Variants in UNC13C observed in about 807,000 individuals in gnomAD.
UNC13C encodes protein unc-13 homolog C.
A neutral mutation model predicts 245.4 loss-of-function variants in UNC13C; 174 were observed. The ratio of observed to expected loss-of-function variants is 0.71; its 90% CI spans 0.63 to 0.80. The LOEUF (loss-of-function observed/expected upper bound fraction) is 0.80. UNC13C is among the 30% of genes least tolerant of loss of function. The pLI is 0.00. For synonymous variants in UNC13C, 992 were observed against 895.1 expected (o/e 1.11, Z -1.93); for missense variants, 2,829 against 2,602.9 (o/e 1.09, Z -1.89).
At chr15:53,837,804 T>G in the UNC13C span, among the ~76,000 whole-genome samples, 6 of 152,206 alleles carry the variant, frequency 3.9e-5, no homozygotes, top group East Asian at 1.2e-3. Context: ...ATTTATTGAA[T>G]AGTCCATCTT....
chr15:54,313,259 C>T (rs1250378401), intron 13 of UNC13C, among the ~76,000 whole-genome samples: 1 of 151,802 alleles, frequency 6.6e-6, no homozygotes, highest in Non-Finnish European at 1.5e-5. Context: ...GCCACATTTT[C>T]ACAACATAAT....
chr15:54,390,234 C>T (rs1421618042), intron 17 of UNC13C, among the ~76,000 whole-genome samples: 2 of 152,120 alleles, frequency 1.3e-5, no homozygotes, highest in African/African-American at 2.4e-5. Context: ...CATGTAATGG[C>T]TCTTTCTATA....
At chr15:54,507,940 G>T (rs958673104) in intron 23 of UNC13C, among the ~76,000 whole-genome samples, 1 of 150,688 alleles carries the variant, frequency 6.6e-6, no homozygotes, top group African/African-American at 2.4e-5. Context: ...AATCAGTTTC[G>T]CTATCAGGTG....
At chr15:54,053,836 C>T (rs1286589810) in intron 2 of UNC13C, among the ~76,000 whole-genome samples, 1 of 152,126 alleles carries the variant, frequency 6.6e-6, no homozygotes, top group Non-Finnish European at 1.5e-5. Context: ...CTCTCTATCT[C>T]CATGCGTTCA....
chr15:54,571,468 G>C (rs1339991575), intron 30 of UNC13C, among the ~76,000 whole-genome samples: 1 of 152,220 alleles, frequency 6.6e-6, no homozygotes, highest in African/African-American at 2.4e-5. Context: ...TACAATTCCA[G>C]ATGAGATTTG....
intron 14 of UNC13C, among the ~76,000 whole-genome samples, chr15:54,322,472 G>C (rs138208814): frequency 0.014 from 2,194 of 152,016 alleles, 20 homozygotes; most frequent in Non-Finnish European, 0.025. Flanking sequence ...GCCATCTCTG[G>C]AACATATTAG....
intron 17 of UNC13C, among the ~76,000 whole-genome samples, chr15:54,354,540 G>A (rs1380452893): frequency 6.6e-6 from 1 of 152,148 alleles, no homozygotes; most frequent in African/African-American, 2.4e-5. Flanking sequence ...GTATTTGGAA[G>A]CATTGGAATG....
intron 6 of UNC13C, 147 bp downstream of exon 6, chr15:54,236,582 C>T (rs532276460): frequency 4.6e-6 from 3 of 647,262 alleles, no homozygotes; most frequent in Admixed American, 6.5e-5. Context: ...AGAATTTAAC[C>T]TCTGGTTCAA....
intron 4 of UNC13C, among the ~76,000 whole-genome samples, chr15:54,166,686 C>A (rs1048969791): frequency 6.6e-6 from 1 of 151,982 alleles, no homozygotes; most frequent in Non-Finnish European, 1.5e-5. Context: ...ATATCAAAAT[C>A]AATTTTTTTA....
At chr15:54,021,641 G>C (rs1356721132) in intron 2 of UNC13C, among the ~76,000 whole-genome samples, 1 of 152,160 alleles carries the variant, frequency 6.6e-6, no homozygotes, top group Non-Finnish European at 1.5e-5. Context: ...TATTGCTGAA[G>C]TAAACATGGA....
At chr15:53,906,983 AC>A in the UNC13C span, among the ~76,000 whole-genome samples, 1 of 151,386 alleles carries the variant, frequency 6.6e-6, no homozygotes, top group Non-Finnish European at 1.5e-5. Flanking sequence ...TAATCCAACC[AC>A]CCCCCTCTCT....
At chr15:54,050,824 G>A in intron 2 of UNC13C, 1 of 586,902 alleles carries the variant, frequency 1.7e-6, no homozygotes, top group Non-Finnish European at 3.3e-6. Flanking sequence ...AGCCTACACA[G>A]CTTACTAATT....
chr15:54,015,059 A>G lies in UNC13C; in HGVS notation c.2156A>G (p.Asn719Ser), dbSNP rs765172397. The change falls in exon 2 of 33, where the codon AAT (asparagine) becomes AGT (serine). Residue 719 changes from asparagine to serine, a missense_variant. Coordinates refer to ENST00000260323, the MANE Select transcript of UNC13C (RefSeq NM_001080534.3). Reference protein sequence around the residue: ...SESYDLTQDDNSSPCPGLDNE... With the variant: ...SESYDLTQDDSSSPCPGLDNE... ...AGCTACGACTTAACTCAAGATGACA[A>G]TTCTTCTCCATGCCCTGGCTTGGAT... 4.3e-6 allele frequency: 7 copies of G among 1,612,904 alleles called. No homozygotes were observed. Among genetic ancestry groups the G allele is most frequent in the East Asian group, 2.2e-5 (1 of 44,860 alleles).
chr15:53,980,640 G>A lies in UNC13C; in HGVS notation c.-257+1713G>A, dbSNP rs79693526. Among the ~76,000 whole-genome samples the A allele has an allele frequency of 8.2e-4, 125 of 152,248 alleles. 3 individuals carry two copies. In the East Asian group the frequency reaches 0.023, roughly 28 times the overall value. On this transcript the variant is annotated intron_variant, in intron 1 of 32. Coordinates refer to ENST00000260323, the MANE Select transcript of UNC13C (RefSeq NM_001080534.3). ...GTTTTTTCAGTAAAATTTGAAGGTGGATAGTAGGTAAGGGTTTATTTCCTA... is the reference window on the plus strand; with the variant it reads ...GTTTTTTCAGTAAAATTTGAAGGTGAATAGTAGGTAAGGGTTTATTTCCTA...
chr15:54,476,784 T>C (rs199921298), intron 19 of UNC13C, among the ~76,000 whole-genome samples: 55,175 of 134,974 alleles, frequency 0.41, 11,905 homozygotes, highest in East Asian at 0.68. Flanking sequence ...ATTGACTTGG[T>C]GATGCGGGCT....
rs531522818 is a variant in UNC13C, at chr15:54,013,773, G to A, written c.870G>A (p.Gln290=). 116 of 1,611,012 alleles carry A rather than the reference G, an allele frequency of 7.2e-5. No individual in the cohort carries two copies. The South Asian group carries it at 1.1e-3, about 15-fold the overall frequency. Residue 290 remains glutamine (Q), a synonymous_variant, in exon 2 of 33, where the codon CAG becomes CAA. Coordinates refer to ENST00000260323, the MANE Select transcript of UNC13C (RefSeq NM_001080534.3). ...SVEVVQSEIE[Q]LRTGFVQSRR... ...AGGTTGTACAAAGTGAAATTGAGCAGTTGCGCACAGGGTTTGTCCAGTCTC... is the reference window on the plus strand; with the variant it reads ...AGGTTGTACAAAGTGAAATTGAGCAATTGCGCACAGGGTTTGTCCAGTCTC...
At chr15:53,912,062 C>A in the UNC13C span, 1 of 152,174 alleles carries the variant, frequency 6.6e-6, no homozygotes, top group Non-Finnish European at 1.5e-5. Context: ...TAAAAGGGGC[C>A]CAGGCGGGTG....
At chr15:54,450,119 G>A (rs568650562) in intron 19 of UNC13C, among the ~76,000 whole-genome samples, 81 of 152,264 alleles carry the variant, frequency 5.3e-4, no homozygotes, top group African/African-American at 1.9e-3. Flanking sequence ...CTACCTGATC[G>A]TTCCTCTGGA....
intron 19 of UNC13C, among the ~76,000 whole-genome samples, chr15:54,477,911 A>G (rs1377494499): frequency 1.4e-5 from 2 of 148,030 alleles, no homozygotes; most frequent in Admixed American, 6.7e-5. Context: ...TACCTCTGGT[A>G]GAATTCGGCT....
Sources: allele counts gnomAD v4.1 joint callset (sites outside exome capture counted in the v4.1 genomes callset), GRCh38; gene constraint gnomAD v4.1.1; transcripts MANE v1.5; gene names NCBI Gene and HGNC (gene_info 2026-07-23, HGNC 2026-07-21).